Variants in LMBR1 observed in about 807,000 individuals in gnomAD.
LMBR1 encodes limb region 1 protein homolog.
Under a neutral mutation model 73.9 loss-of-function variants are expected in LMBR1, and 52 were observed. The observed-to-expected ratio is 0.70, with a 90% CI of 0.56 to 0.89. The LOEUF is 0.89. Ranked by LOEUF, LMBR1 falls within the 40% of genes least tolerant of loss-of-function variation. LMBR1 has a pLI of 0.00. For synonymous variants in LMBR1, 215 were observed against 209.4 expected (o/e 1.03, Z -0.23); for missense variants, 539 against 579.8 (o/e 0.93, Z 0.72).
At chr7:156,765,049 T>C (rs17837692) in intron 5 of LMBR1, among the ~76,000 whole-genome samples, 7,592 of 152,300 alleles carry the variant, frequency 0.05, 289 homozygotes, top group East Asian at 0.15. Flanking sequence ...TTTTAACACA[T>C]GAGATCTCAT....
chr7:156,763,931 T>C (rs1823608034), intron 5 of LMBR1, 136 bp from the exon 6 acceptor site: 1 of 575,240 alleles, frequency 1.7e-6, no homozygotes, highest in Admixed American at 4.1e-5. Context: ...AAAAAAACAC[T>C]AGGTACTTAT....
At chr7:156,715,081 A>C (rs572810345) in intron 15 of LMBR1, among the ~76,000 whole-genome samples, 1 of 151,334 alleles carries the variant, frequency 6.6e-6, no homozygotes, top group South Asian at 2.1e-4. Context: ...CCTTCCAAGT[A>C]GCTGGGATTA....
downstream of LMBR1, chr7:156,676,988 C>A (rs925184974): frequency 4.3e-6 from 1 of 234,680 alleles, no homozygotes; most frequent in Non-Finnish European, 8.5e-6. Flanking sequence ...AAATGTAAAA[C>A]ACTCCTTAAG....
At chr7:156,853,536 A>G (rs1796533906) in intron 1 of LMBR1, among the ~76,000 whole-genome samples, 1 of 152,256 alleles carries the variant, frequency 6.6e-6, no homozygotes, top group African/African-American at 2.4e-5. Context: ...ACCACTTTCT[A>G]AAAGTCCTAG....
chr7:156,719,575 A>G (rs1814047603), intron 15 of LMBR1, among the ~76,000 whole-genome samples: 1 of 152,166 alleles, frequency 6.6e-6, no homozygotes, highest in Non-Finnish European at 1.5e-5. Context: ...GCTACCAATG[A>G]CTTTCTTCAT....
chr7:156,749,302 T>G (rs903779215), intron 9 of LMBR1, among the ~76,000 whole-genome samples: 3 of 152,188 alleles, frequency 2.0e-5, no homozygotes, highest in African/African-American at 7.2e-5. Flanking sequence ...TATGAAAGAA[T>G]GTAATGACCA....
At chr7:156,864,882 G>A (rs1287689320) in intron 1 of LMBR1, among the ~76,000 whole-genome samples, 1 of 151,790 alleles carries the variant, frequency 6.6e-6, no homozygotes, top group Admixed American at 6.6e-5. Flanking sequence ...TGTAATACCA[G>A]GTATTCAGGA....
Position 156,826,755 on chromosome 7 carries a change from GGA to G in LMBR1, c.180-13_180-12del, listed in dbSNP as rs1306917370. ...GTGCTCAAAAACAACCTGGAAGAAA[GGA>G]GAGTCACCATCACAAGTGATCTGAA... On this transcript the variant is annotated splice_polypyrimidine_tract_variant and intron_variant, in intron 3 of 16. Transcript: ENST00000353442. 6.3e-7 allele frequency: 1 copy of G among 1,597,968 alleles called. No homozygotes were observed. Among genetic ancestry groups the G allele is most frequent in the Non-Finnish European group, 8.5e-7 (1 of 1,170,766 alleles).
downstream of LMBR1, among the ~76,000 whole-genome samples, chr7:156,673,710 T>C (rs1171111761): frequency 6.6e-6 from 1 of 152,060 alleles, no homozygotes; most frequent in Non-Finnish European, 1.5e-5. Flanking sequence ...CTCTCATCCT[T>C]AAAGCCAATA....
chr7:156,879,122 G>A (rs1454059317), intron 1 of LMBR1, among the ~76,000 whole-genome samples: 2 of 152,178 alleles, frequency 1.3e-5, no homozygotes, highest in Non-Finnish European at 2.9e-5. Context: ...AACCCTTCTA[G>A]ACACTGGCTT....
intron 5 of LMBR1, among the ~76,000 whole-genome samples, chr7:156,791,845 T>A (rs891137634): frequency 1.3e-5 from 2 of 152,210 alleles, no homozygotes; most frequent in African/African-American, 4.8e-5. Context: ...TTTTATGCTA[T>A]GACTTCAAAT....
intron 1 of LMBR1, among the ~76,000 whole-genome samples, chr7:156,890,682 C>G (rs1802748906): frequency 6.6e-6 from 1 of 152,190 alleles, no homozygotes; most frequent in East Asian, 1.9e-4. Context: ...TTAAAAAGGA[C>G]AGAAAATATC....
At chr7:156,827,867 A>C (rs1835963243) in intron 3 of LMBR1, among the ~76,000 whole-genome samples, 1 of 152,202 alleles carries the variant, frequency 6.6e-6, no homozygotes, top group East Asian at 1.9e-4. Context: ...ATCAATTATA[A>C]ATTTTAAAAT....
chr7:156,765,795 A>C (rs1277960297), intron 5 of LMBR1, among the ~76,000 whole-genome samples: 1 of 152,176 alleles, frequency 6.6e-6, no homozygotes, highest in Non-Finnish European at 1.5e-5. Flanking sequence ...AAATATATGA[A>C]CTAAAGAGTA....
intron 1 of LMBR1, among the ~76,000 whole-genome samples, chr7:156,872,726 G>C (rs938124725): frequency 6.6e-6 from 1 of 152,064 alleles, no homozygotes; most frequent in Non-Finnish European, 1.5e-5. Context: ...AAACATTGAT[G>C]AAAGAAATTA....
chr7:156,891,434 C>A (rs1802968698), intron 1 of LMBR1, among the ~76,000 whole-genome samples: 1 of 150,550 alleles, frequency 6.6e-6, no homozygotes, highest in Non-Finnish European at 1.5e-5. Flanking sequence ...AAACATTGTA[C>A]AAGAAACTGG....
chr7:156,881,171 A>C (rs1304422047), intron 1 of LMBR1, among the ~76,000 whole-genome samples: 1 of 152,218 alleles, frequency 6.6e-6, no homozygotes, highest in Admixed American at 6.5e-5. Context: ...CAGAACAGAG[A>C]GCCCAGAAAT....
At chr7:156,724,306 C>G in intron 14 of LMBR1, 128 bp from the exon 15 acceptor site, 2 of 615,060 alleles carry the variant, frequency 3.3e-6, no homozygotes, top group Non-Finnish European at 2.9e-6. Flanking sequence ...CTTAATGATA[C>G]TATTCAGTAC....
chr7:156,844,857 G>A (rs1839347889), intron 1 of LMBR1, among the ~76,000 whole-genome samples: 1 of 152,134 alleles, frequency 6.6e-6, no homozygotes, highest in Admixed American at 6.5e-5. Context: ...CTAGGCACTT[G>A]AGAGGTGACA....
Sources: gnomAD v4.1 joint callset for allele counts (sites outside exome capture counted in the v4.1 genomes callset) on GRCh38, gnomAD v4.1.1 for gene constraint, MANE v1.5 for transcripts, NCBI Gene and HGNC (gene_info 2026-07-23, HGNC 2026-07-21) for gene names.